Variants in GPHN observed in about 807,000 individuals in gnomAD.
GPHN encodes gephyrin.
Under a neutral mutation model 95.5 loss-of-function variants are expected in GPHN, and 17 were observed. The observed-to-expected ratio is 0.18, with a 90% CI of 0.12 to 0.27. The LOEUF (loss-of-function observed/expected upper bound fraction) is 0.27. GPHN is among the 10% of genes least tolerant of loss of function. The pLI is 1.00. For synonymous variants in GPHN, 320 were observed against 322.5 expected (o/e 0.99, Z 0.08); for missense variants, 660 against 978.1 (o/e 0.67, Z 4.34).
At chr14:66,939,059 A>G (rs151326248) in intron 8 of GPHN, among the ~76,000 whole-genome samples, 1 of 152,316 alleles carries the variant, frequency 6.6e-6, no homozygotes, top group East Asian at 1.9e-4. Flanking sequence ...TGGATCAGAG[A>G]CCTAAAGCTA....
intron 1 of GPHN, among the ~76,000 whole-genome samples, chr14:66,620,611 G>A (rs2063249843): frequency 6.6e-6 from 1 of 152,096 alleles, no homozygotes; most frequent in Admixed American, 6.5e-5. Flanking sequence ...AATTGTAGGA[G>A]TTACAATTCA....
intron 16 of GPHN, among the ~76,000 whole-genome samples, chr14:67,121,314 G>A (rs1344869910): frequency 6.6e-6 from 1 of 152,112 alleles, no homozygotes; most frequent in Non-Finnish European, 1.5e-5. Flanking sequence ...GATGTCATCT[G>A]TACTAGCATC....
chr14:66,516,325 A>C (rs189725362), intron 1 of GPHN, among the ~76,000 whole-genome samples: 3 of 152,100 alleles, frequency 2.0e-5, no homozygotes, highest in Admixed American at 6.6e-5. Context: ...GCCAGCAATT[A>C]TATTTCTACA....
intron 12 of GPHN, 74 bp downstream of exon 12, chr14:67,089,149 T>TTTTTTTTTTTTTTTTTG: frequency 1.9e-6 from 1 of 524,460 alleles, no homozygotes; most frequent in Non-Finnish European, 3.5e-6. Flanking sequence ...TTTTTTTTTT[T>TTTTTTTTTTTTTTTTTG]TTTTTTTTTC....
chr14:67,479,134 C>T, the GPHN span, among the ~76,000 whole-genome samples: 102 of 152,120 alleles, frequency 6.7e-4, no homozygotes, highest in Middle Eastern at 6.8e-3. Context: ...GGAGGCTGGA[C>T]GTGGTGGCTC....
chr14:67,218,267 A>C, the GPHN span, among the ~76,000 whole-genome samples: 3 of 152,196 alleles, frequency 2.0e-5, no homozygotes, highest in Non-Finnish European at 2.9e-5. Flanking sequence ...GTAGCAGCCT[A>C]CAGAGCTGTT....
At chr14:67,231,330 AT>A in the GPHN span, among the ~76,000 whole-genome samples, 1 of 151,514 alleles carries the variant, frequency 6.6e-6, no homozygotes, top group African/African-American at 2.4e-5. Flanking sequence ...AAATGTTCTT[AT>A]TTTTTTTTGA....
chr14:66,637,723 T>C (rs998659403), intron 1 of GPHN, among the ~76,000 whole-genome samples: 1 of 152,148 alleles, frequency 6.6e-6, no homozygotes, highest in Non-Finnish European at 1.5e-5. Context: ...ATTATGAATA[T>C]GTATAATACA....
chr14:66,632,419 G>A (rs1156295303), intron 1 of GPHN, among the ~76,000 whole-genome samples: 1 of 151,130 alleles, frequency 6.6e-6, no homozygotes, highest in African/African-American at 2.4e-5. Context: ...GCGCAGATTT[G>A]CTGTACATTA....
At chr14:67,108,509 C>T (rs1159126265) in intron 13 of GPHN, among the ~76,000 whole-genome samples, 1 of 152,060 alleles carries the variant, frequency 6.6e-6, no homozygotes, top group Non-Finnish European at 1.5e-5. Context: ...CTTTGTAAGG[C>T]TTATATTCTG....
the GPHN span, chr14:67,615,834 C>T: frequency 1.6e-6 from 1 of 616,282 alleles, no homozygotes; most frequent in South Asian, 1.7e-5. Context: ...AGAGAACATT[C>T]TGGCCTGTCC....
chr14:66,540,027 A>G (rs1464237551), intron 1 of GPHN, among the ~76,000 whole-genome samples: 1 of 152,232 alleles, frequency 6.6e-6, no homozygotes, highest in Non-Finnish European at 1.5e-5. Context: ...GTAATACACA[A>G]TGTATTGTGT....
intron 1 of GPHN, among the ~76,000 whole-genome samples, chr14:66,569,205 T>A (rs2140343713): frequency 6.6e-6 from 1 of 152,308 alleles, no homozygotes; most frequent in Non-Finnish European, 1.5e-5. Context: ...ACCTTAAATC[T>A]TTTAGTGTTC....
intron 1 of GPHN, among the ~76,000 whole-genome samples, chr14:66,588,555 G>C (rs2061513261): frequency 6.6e-6 from 1 of 151,930 alleles, no homozygotes; most frequent in African/African-American, 2.4e-5. Context: ...TGACCTTATG[G>C]AGCTGAAAAA....
the GPHN span, among the ~76,000 whole-genome samples, chr14:67,542,676 C>T: frequency 4.5e-4 from 68 of 151,870 alleles, no homozygotes; most frequent in African/African-American, 1.5e-3. Context: ...AGATAACATT[C>T]TATTTTATTT....
chr14:67,263,352 C>A, the GPHN span, among the ~76,000 whole-genome samples: 1 of 151,994 alleles, frequency 6.6e-6, no homozygotes, highest in East Asian at 1.9e-4. Context: ...CCCCTTGTGC[C>A]CTGGGAGTAC....
chr14:66,677,735 G>A (rs2066690670), intron 1 of GPHN, among the ~76,000 whole-genome samples: 1 of 151,986 alleles, frequency 6.6e-6, no homozygotes, highest in African/African-American at 2.4e-5. Context: ...ATGTGCTGAT[G>A]TCAAAAAATG....
chr14:67,502,912 T>C, the GPHN span, among the ~76,000 whole-genome samples: 2 of 152,112 alleles, frequency 1.3e-5, no homozygotes, highest in East Asian at 3.8e-4. Context: ...AGTTCCAGCC[T>C]TTGGGAGCTT....
the GPHN span, chr14:67,205,224 T>C: frequency 1.2e-6 from 1 of 856,724 alleles, no homozygotes; most frequent in Non-Finnish European, 1.7e-6. Context: ...CTAATTTTAA[T>C]AGTGAGATTA....
Sources: allele counts gnomAD v4.1 joint callset (sites outside exome capture counted in the v4.1 genomes callset), GRCh38; gene constraint gnomAD v4.1.1; transcripts MANE v1.5; gene names NCBI Gene and HGNC (gene_info 2026-07-23, HGNC 2026-07-21).